Variants in THSD4 observed in about 807,000 individuals in gnomAD.
THSD4 encodes the protein thrombospondin type 1 domain containing 4, also known as thrombospondin type-1 domain-containing protein 4.
In THSD4, 69 loss-of-function variants were observed where a neutral mutation model predicts 119.0. The observed-to-expected ratio is 0.58, with a 90% CI of 0.48 to 0.71. THSD4 has a LOEUF of 0.71. Ranked by LOEUF, THSD4 falls within the 30% of genes least tolerant of loss-of-function variation. The probability of loss-of-function intolerance (pLI) is 0.00; values close to 1 mark genes in which losing one functional copy is unlikely to be tolerated. For missense variants in THSD4, 1,393 were observed against 1,391.1 expected (o/e 1.00, Z -0.02); for synonymous variants, 524 against 540.4 (o/e 0.97, Z 0.42).
chr15:71,502,574 A>C (rs1025181653), intron 7 of THSD4, among the ~76,000 whole-genome samples: 1 of 152,230 alleles, frequency 6.6e-6, no homozygotes. Flanking sequence ...TATGCTTCAC[A>C]AGTTAGAGAA....
intron 7 of THSD4, among the ~76,000 whole-genome samples, chr15:71,509,694 A>G (rs969503917): frequency 4.6e-5 from 7 of 152,180 alleles, no homozygotes; most frequent in Non-Finnish European, 8.8e-5. Flanking sequence ...GGCAGTAGGA[A>G]CCATTTGATA....
At chr15:71,559,083 G>T (rs1567036158) in intron 7 of THSD4, among the ~76,000 whole-genome samples, 1 of 152,160 alleles carries the variant, frequency 6.6e-6, no homozygotes, top group Non-Finnish European at 1.5e-5. Context: ...TTAAATCAAG[G>T]TTGTAGATTA....
chr15:71,369,708 A>G (rs2046016649), intron 6 of THSD4, among the ~76,000 whole-genome samples: 1 of 152,160 alleles, frequency 6.6e-6, no homozygotes, highest in African/African-American at 2.4e-5. Context: ...GGATTTTTGC[A>G]TCAATGTTCA....
At chr15:71,132,425 T>A (rs972493646) in intron 1 of THSD4, among the ~76,000 whole-genome samples, 4 of 152,208 alleles carry the variant, frequency 2.6e-5, no homozygotes, top group Admixed American at 2.0e-4. Flanking sequence ...AATACAAAGC[T>A]ACATGTGTGA....
At chr15:71,354,709 A>G (rs12439247) in intron 6 of THSD4, among the ~76,000 whole-genome samples, 33,543 of 152,154 alleles carry the variant, frequency 0.22, 4,182 homozygotes, top group East Asian at 0.54. Context: ...TAGGCCTTCT[A>G]TGTGGTTTTG....
At chr15:71,301,719 C>T (rs1428680687) in intron 6 of THSD4, among the ~76,000 whole-genome samples, 1 of 152,144 alleles carries the variant, frequency 6.6e-6, no homozygotes, top group African/African-American at 2.4e-5. Flanking sequence ...ACCTGGAGAC[C>T]TCCTCCGGTA....
chr15:71,631,704 G>C (rs572105976), intron 7 of THSD4, among the ~76,000 whole-genome samples: 3 of 152,346 alleles, frequency 2.0e-5, no homozygotes, highest in African/African-American at 4.8e-5. Flanking sequence ...TGGCTACGCG[G>C]TTCCAGTCAA....
Position 71,764,450 on chromosome 15 carries a change from A to G in THSD4, c.2590-570A>G, listed in dbSNP as rs2625538. On this transcript the variant is annotated intron_variant, in intron 15 of 17. Transcript: ENST00000261862. ...GCAGATTTCAGCACCACATTAGGAA[A>G]CAAGAAGATTGGGCTCTGTAGTCAC... Among the ~76,000 whole-genome samples, 1,216 of 152,342 alleles carry G rather than the reference A, an allele frequency of 8.0e-3. 30 individuals are homozygous for G. The highest frequency in any genetic ancestry group is 0.046 in the East Asian group (236 of 5,186).
chr15:71,724,371 C>T (rs1439792814), intron 8 of THSD4, among the ~76,000 whole-genome samples: 4 of 149,408 alleles, frequency 2.7e-5, no homozygotes, highest in Non-Finnish European at 5.9e-5. Context: ...CTGCAAGCTC[C>T]GCCTCCTGGG....
At chr15:71,730,914 C>T in intron 9 of THSD4, 1 of 553,996 alleles carries the variant, frequency 1.8e-6, no homozygotes, top group South Asian at 2.1e-5. Context: ...ATTTGCTCGG[C>T]CTAAGTTCTT....
chr15:71,597,422 C>T (rs1157859095), intron 7 of THSD4, among the ~76,000 whole-genome samples: 2 of 152,268 alleles, frequency 1.3e-5, no homozygotes, highest in Admixed American at 6.5e-5. Flanking sequence ...CCAAAATACA[C>T]ATGTGGTAAC....
intron 7 of THSD4, among the ~76,000 whole-genome samples, chr15:71,423,452 G>T (rs2046833425): frequency 1.3e-5 from 2 of 152,180 alleles, no homozygotes; most frequent in Non-Finnish European, 1.5e-5. Context: ...AAGGCAGCAG[G>T]TTCCCTTCTG....
At chr15:71,485,103 G>T (rs1303767260) in intron 7 of THSD4, among the ~76,000 whole-genome samples, 1 of 152,104 alleles carries the variant, frequency 6.6e-6, no homozygotes, top group Non-Finnish European at 1.5e-5. Flanking sequence ...GCTGACTAAG[G>T]GTGTTTAATC....
At chr15:71,510,963 C>A (rs75251228) in intron 7 of THSD4, among the ~76,000 whole-genome samples, 249 of 97,542 alleles carry the variant, frequency 2.6e-3, no homozygotes, top group African/African-American at 5.4e-3. Flanking sequence ...GGATGGATGA[C>A]CTCACGTTTG....
rs566692515 is a variant in THSD4, at chr15:71,121,944, G to T, written c.-80+6246G>T. Among the ~76,000 whole-genome samples, 13 of 152,260 alleles carry T rather than the reference G, an allele frequency of 8.5e-5. No homozygotes were observed. In the South Asian group the frequency reaches 2.1e-3, roughly 24 times the overall value. On this transcript the variant is annotated intron_variant, in intron 1 of 17. Transcript: ENST00000261862. ...GAGGATCAAATCCAACCGTGCACAT[G>T]AGGCCGCTTGGGAATCATGTAGGGG...
chr15:71,382,133 G>T (rs1283650111), intron 6 of THSD4, among the ~76,000 whole-genome samples: 5 of 152,118 alleles, frequency 3.3e-5, no homozygotes. Flanking sequence ...TTACATAGTT[G>T]TAGGAAAAAT....
intron 6 of THSD4, among the ~76,000 whole-genome samples, chr15:71,409,547 A>AT (rs1218983955): frequency 1.3e-5 from 2 of 151,990 alleles, no homozygotes; most frequent in Non-Finnish European, 2.9e-5. Context: ...GTATTCTTTT[A>AT]TTTTTTCCCC....
intron 7 of THSD4, among the ~76,000 whole-genome samples, chr15:71,454,616 C>G (rs1245240102): frequency 6.6e-6 from 1 of 152,172 alleles, no homozygotes; most frequent in East Asian, 1.9e-4. Context: ...TGGCAACTTG[C>G]AATGAAGGGA....
At chr15:71,117,800 A>T (rs1394924175) in intron 1 of THSD4, among the ~76,000 whole-genome samples, 1 of 152,170 alleles carries the variant, frequency 6.6e-6, no homozygotes, top group East Asian at 1.9e-4. Context: ...TCTCCAACAG[A>T]TATTTCTGAG....
Sources: allele counts gnomAD v4.1 joint callset (sites outside exome capture counted in the v4.1 genomes callset), GRCh38; gene constraint gnomAD v4.1.1; transcripts MANE v1.5; gene names NCBI Gene and HGNC (gene_info 2026-07-23, HGNC 2026-07-21).